The following ABCC3 variants were observed in gnomAD, a reference collection of about 807,000 sequenced individuals.
ABCC3 encodes ATP binding cassette subfamily C member 3.
In ABCC3, 121 loss-of-function variants were observed where a neutral mutation model predicts 165.3. The ratio of observed to expected loss-of-function variants is 0.73; its 90% confidence interval spans 0.63 to 0.85. ABCC3 has a LOEUF of 0.85. Among genes scored for constraint, ABCC3 ranks in the 40% least tolerant of loss-of-function variants. The probability of loss-of-function intolerance (pLI) is 0.00; values close to 1 mark genes in which losing one functional copy is unlikely to be tolerated. For synonymous variants in ABCC3, 733 were observed against 810.1 expected (o/e 0.90, Z 1.62); for missense variants, 1,869 against 1,964.1 (o/e 0.95, Z 0.92).
intron 1 of ABCC3, among the ~76,000 whole-genome samples, chr17:50,650,387 G>A (rs1274904237): frequency 2.0e-5 from 3 of 152,198 alleles, no homozygotes; most frequent in South Asian, 2.1e-4. Flanking sequence ...GATTACAGGC[G>A]TGAGCCACTG....
At position 50,665,131 on chromosome 17, in the gene ABCC3, C is replaced by G. The variant is rs367778405; in HGVS notation, c.1339-22C>G. On this transcript the variant is annotated intron_variant, in intron 10 of 30. Coordinates refer to ENST00000285238, the MANE Select transcript of ABCC3 (RefSeq NM_003786.4). ...TTGGTAATCTGTCCCTATGTGTCATCTATCCACCGGTGCCTCCTCAGAACC... is the reference window on the plus strand; with the variant it reads ...TTGGTAATCTGTCCCTATGTGTCATGTATCCACCGGTGCCTCCTCAGAACC... 54 of 1,608,516 alleles carry G rather than the reference C, an allele frequency of 3.4e-5. No individual in the cohort carries two copies. In the African/African-American group the frequency reaches 6.1e-4, roughly 18 times the overall value.
intron 1 of ABCC3, among the ~76,000 whole-genome samples, chr17:50,642,745 C>T (rs1450348031): frequency 6.6e-6 from 1 of 152,214 alleles, no homozygotes; most frequent in African/African-American, 2.4e-5. Context: ...TGTGGCCACT[C>T]CCCACCCGCC....
In ABCC3 at chr17:50,655,963, T is replaced by C; in HGVS notation, c.177T>C (p.His59=). ...GCTACTTGCTCTACCTGCGGCACCA[T>C]TGTCGTGGCTACATCATCCTCTCCC... The part of the protein sequence containing the change: ...LPCYLLYLRH[H]CRGYIILSHL... The change falls in exon 2 of 31, where the codon CAT becomes CAC. Residue 59 remains histidine, a synonymous_variant. Coordinates refer to ENST00000285238, the MANE Select transcript of ABCC3 (RefSeq NM_003786.4). 2.5e-6 allele frequency: 4 copies of C among 1,614,066 alleles called. No individual in the cohort carries two copies. Among genetic ancestry groups the C allele is most frequent in the Non-Finnish European group, 3.4e-6 (4 of 1,179,982 alleles).
Position 50,667,605 on chromosome 17 carries a change from C to G in ABCC3, c.1483C>G (p.Leu495Val), listed in dbSNP as rs763632009. ...DSRIKLMSEI[L>V]NGIKVLKLYA... Reference sequence around the variant, plus strand: ...GCGCATCAAGCTGATGAGTGAGATCCTGAACGGCATCAAGGTGCTGAAGCT... The same window carrying G: ...GCGCATCAAGCTGATGAGTGAGATCGTGAACGGCATCAAGGTGCTGAAGCT... The change falls in exon 12 of 31, where the codon CTG becomes GTG. Residue 495 changes from leucine to valine, a missense_variant. Transcript: ENST00000285238. 2.8e-5 allele frequency: 46 copies of G among 1,614,112 alleles called. No homozygotes were observed. Among genetic ancestry groups the G allele is most frequent in the Non-Finnish European group, 3.4e-5 (40 of 1,179,948 alleles).
chr17:50,687,677 C>T lies in ABCC3; in HGVS notation c.4422C>T (p.Thr1474=). Residue 1474 remains threonine, a synonymous_variant, in exon 30 of 31, where the codon ACC becomes ACT. Transcript: ENST00000285238. ...IQATIRTQFD[T]CTVLTIAHRL... ...CTACCATCCGCACCCAGTTTGATAC[C>T]TGCACTGTCCTGACCATCGCACACC... 2 of 1,614,252 alleles carry T rather than the reference C, an allele frequency of 1.2e-6. No individual in the cohort carries two copies. The highest frequency in any genetic ancestry group is 2.7e-5 in the African/African-American group (2 of 75,068).
chr17:50,656,869 A>C, intron 3 of ABCC3, 42 bp downstream of exon 3: 2 of 1,580,190 alleles, frequency 1.3e-6, no homozygotes, highest in Non-Finnish European at 1.7e-6. Context: ...GGAGGTCTCC[A>C]TTGGGTTGTG....
intron 17 of ABCC3, among the ~76,000 whole-genome samples, chr17:50,670,006 G>C (rs1311906312): frequency 6.6e-6 from 1 of 152,024 alleles, no homozygotes; most frequent in Admixed American, 6.6e-5. Context: ...ATGTCGCCCA[G>C]GCTGGCTCAG....
intron 1 of ABCC3, among the ~76,000 whole-genome samples, chr17:50,644,378 G>A (rs554098708): frequency 6.6e-6 from 1 of 151,078 alleles, no homozygotes; most frequent in Admixed American, 6.6e-5. Context: ...AGGAAGCAGG[G>A]AGTGCAGATC....
chr17:50,659,243 C>T lies in ABCC3; in HGVS notation c.681C>T (p.Ala227=). 3 of 1,613,680 alleles carry T rather than the reference C, an allele frequency of 1.9e-6. No homozygotes were observed. Among genetic ancestry groups the T allele is most frequent in the Non-Finnish European group, 2.5e-6 (3 of 1,179,744 alleles). ...RLFFWWFTKM[A]IYGYRHPLEE... ...GGGCTTCACCTCCCCCCAGGATGGC[C>T]ATCTATGGCTACCGGCATCCCCTGG... The change falls in exon 7 of 31, where the codon GCC becomes GCT. Residue 227 remains alanine, a synonymous_variant. Transcript: ENST00000285238.
At chr17:50,666,039 GTCT>G (rs1191819723) in intron 11 of ABCC3, among the ~76,000 whole-genome samples, 2 of 152,056 alleles carry the variant, frequency 1.3e-5, no homozygotes, top group Admixed American at 6.5e-5. Context: ...AGCCAGTCTG[GTCT>G]TCTTTCTTTT....
At chr17:50,672,327 T>C (rs1159969794) in intron 17 of ABCC3, among the ~76,000 whole-genome samples, 1 of 152,206 alleles carries the variant, frequency 6.6e-6, no homozygotes, top group Non-Finnish European at 1.5e-5. Context: ...GGCATATCCA[T>C]GTTGTAGCAT....
intron 12 of ABCC3, 32 bp downstream of exon 12, chr17:50,667,789 TCCAGGGCTCTGGGTGCCCAGGCATGG>T (rs770766902): frequency 4.2e-5 from 68 of 1,613,912 alleles, no homozygotes; most frequent in Admixed American, 2.2e-4. Context: ...GGTCCCTGCC[TCCAGGGCTCTGGGTGCCCAGGCATGG>T]CCAGGGCTCA....
At chr17:50,681,039 G>A (rs1967918246) in intron 26 of ABCC3, among the ~76,000 whole-genome samples, 1 of 151,432 alleles carries the variant, frequency 6.6e-6, no homozygotes, top group South Asian at 2.1e-4. Context: ...TTGCGCCACT[G>A]CACCCCAGCC....
intron 19 of ABCC3, among the ~76,000 whole-genome samples, chr17:50,673,886 G>A (rs545279835): frequency 4.9e-4 from 71 of 145,120 alleles, no homozygotes; most frequent in East Asian, 1.0e-3. Context: ...CCTCCGCCCC[G>A]GTCTCAGAGC....
chr17:50,666,228 T>C (rs931537508), intron 11 of ABCC3, among the ~76,000 whole-genome samples: 2 of 152,062 alleles, frequency 1.3e-5, no homozygotes, highest in African/African-American at 4.8e-5. Flanking sequence ...TCCCAGAGCT[T>C]TGGGAGGCCG....
intron 1 of ABCC3, among the ~76,000 whole-genome samples, chr17:50,646,303 G>A (rs1379614713): frequency 6.6e-6 from 1 of 152,174 alleles, no homozygotes; most frequent in Non-Finnish European, 1.5e-5. Flanking sequence ...CAGCAAGGAG[G>A]CCAGTGGCTG....
rs1379483312 is a variant in ABCC3 at position 50,676,000 on chromosome 17, A to G, written c.2977A>G (p.Ser993Gly). The change falls in exon 22 of 31, where the codon AGT becomes GGT. Residue 993 changes from serine to glycine, a missense_variant. Transcript: ENST00000285238. Reference protein sequence around the residue: ...AAAIGANVWLSAWTNDAMADS... With the variant: ...AAAIGANVWLGAWTNDAMADS... ...TGCCATTGGAGCCAATGTGTGGCTCAGTGCCTGGACAAATGATGCCATGGC... is the reference window on the plus strand; with the variant it reads ...TGCCATTGGAGCCAATGTGTGGCTCGGTGCCTGGACAAATGATGCCATGGC... The G allele has an allele frequency of 3.7e-6, 6 of 1,614,230 alleles. No homozygotes were observed. The highest frequency in any genetic ancestry group is 5.1e-6 in the Non-Finnish European group (6 of 1,180,046).
intron 8 of ABCC3, among the ~76,000 whole-genome samples, chr17:50,662,657 A>AAAAG (rs1555589788): frequency 1.4e-5 from 2 of 147,642 alleles, no homozygotes; most frequent in African/African-American, 5.0e-5. Context: ...AAAAAAAAAA[A>AAAAG]AGAGAGAGAG....
At position 50,663,813 on chromosome 17, in the gene ABCC3, T is replaced by C. The variant is rs1967456630; in HGVS notation, c.1131T>C (p.Thr377=). The change falls in exon 9 of 31, where the codon ACT becomes ACC. Residue 377 remains threonine, a synonymous_variant. Coordinates refer to ENST00000285238, the MANE Select transcript of ABCC3 (RefSeq NM_003786.4). The part of the protein sequence containing the change: ...LQHYYHYIFV[T]GVKFRTGIMG... ...ACTATTACCACTACATCTTTGTGAC[T>C]GGGGTGAAGTTTCGTACTGGGATCA... is the stretch of plus-strand genomic sequence containing the variant. 1 of 1,614,038 alleles carries C rather than the reference T, an allele frequency of 6.2e-7. No homozygotes were observed. The highest frequency in any genetic ancestry group is 8.5e-7 in the Non-Finnish European group (1 of 1,180,032).
Sources: gnomAD v4.1 joint callset for allele counts (sites outside exome capture counted in the v4.1 genomes callset) on GRCh38, gnomAD v4.1.1 for gene constraint, MANE v1.5 for transcripts, NCBI Gene and HGNC (gene_info 2026-07-23, HGNC 2026-07-21) for gene names.